The following DYNC2H1 variants were observed in gnomAD, a reference collection of about 807,000 sequenced individuals.
The protein encoded by DYNC2H1 is cytoplasmic dynein 2 heavy chain 1.
In DYNC2H1, 410 loss-of-function variants were observed where a neutral mutation model predicts 570.0. The ratio of observed to expected loss-of-function variants is 0.72; its 90% confidence interval spans 0.66 to 0.78. DYNC2H1 has a LOEUF of 0.78. Ranked by LOEUF, DYNC2H1 falls within the 30% of genes least tolerant of loss-of-function variation. The probability of loss-of-function intolerance (pLI) is 0.00; values close to 1 mark genes in which losing one functional copy is unlikely to be tolerated. For missense variants in DYNC2H1, 4,865 were observed against 5,046.4 expected, an observed-to-expected ratio of 0.96 and a Z score of 1.09; for synonymous variants, 1,688 against 1,677.6, an observed-to-expected ratio of 1.01 and a Z score of -0.15.
Position 103,151,047 on chromosome 11 carries a change from A to G in DYNC2H1, c.2947-1089A>G, listed in dbSNP as rs763673821. On this transcript the variant is annotated intron_variant, in intron 20 of 88. Coordinates refer to ENST00000375735, the MANE Select transcript of DYNC2H1 (RefSeq NM_001377.3). This position sits in a 1 kb window ranked among gnomAD's most constrained non-coding sequence, Gnocchi z 4.6. ...TCTTTTGGTATGTCTATTTGTTGGT[A>G]TGTGGATTTGAGGGGTAGGACTGGA... Among the ~76,000 whole-genome samples the G allele has an allele frequency of 2.6e-5, 4 of 152,186 alleles. No homozygotes were observed. The East Asian group carries it at 5.8e-4, about 22-fold the overall frequency.
At chr11:103,295,810 C>T (rs2135379984) in intron 75 of DYNC2H1, among the ~76,000 whole-genome samples, 1 of 152,318 alleles carries the variant, frequency 6.6e-6, no homozygotes, top group Middle Eastern at 3.4e-3. Flanking sequence ...AATCCTGCTT[C>T]AAGTTAGCTC....
Position 103,201,878 on chromosome 11 carries a change from C to T in DYNC2H1, c.8197+1724C>T, listed in dbSNP as rs1425570251. Among the ~76,000 whole-genome samples, 7 of 152,018 alleles carry T rather than the reference C, an allele frequency of 4.6e-5. No individual in the cohort carries two copies. Among genetic ancestry groups the T allele is most frequent in the Non-Finnish European group, 7.4e-5 (5 of 68,004 alleles). ...TCAAGAGTGTTTTGTTATTTAAGTACAAAATAAACCTTAAAAACTAGTTTC... is the reference window on the plus strand; with the variant it reads ...TCAAGAGTGTTTTGTTATTTAAGTATAAAATAAACCTTAAAAACTAGTTTC... On this transcript the variant is annotated intron_variant, in intron 50 of 88. Coordinates refer to ENST00000375735, the MANE Select transcript of DYNC2H1 (RefSeq NM_001377.3). This position sits in a 1 kb window ranked among gnomAD's most constrained non-coding sequence, Gnocchi z 4.8.
At chr11:103,367,968 G>A (rs1035432392) in intron 83 of DYNC2H1, among the ~76,000 whole-genome samples, 1 of 151,962 alleles carries the variant, frequency 6.6e-6, no homozygotes, top group African/African-American at 2.4e-5. Flanking sequence ...TCCTATAGCT[G>A]AACAGTATTC....
At chr11:103,389,774 C>A (rs1283860448) in intron 83 of DYNC2H1, among the ~76,000 whole-genome samples, 2 of 151,952 alleles carry the variant, frequency 1.3e-5, no homozygotes, top group Non-Finnish European at 2.9e-5. Flanking sequence ...CATTCAGGAG[C>A]AGGTTGTTCA....
chr11:103,126,754 A>G, intron 12 of DYNC2H1, among the ~76,000 whole-genome samples: 1 of 151,142 alleles, frequency 6.6e-6, no homozygotes, highest in South Asian at 2.1e-4. Context: ...CTCCTGCCTC[A>G]GCCTCCCGAG....
At chr11:103,459,613 A>ATCTT (rs1310322798) in intron 87 of DYNC2H1, among the ~76,000 whole-genome samples, 2 of 152,040 alleles carry the variant, frequency 1.3e-5, no homozygotes, top group East Asian at 3.9e-4. Context: ...AACAAGCTAG[A>ATCTT]TCTTTCCCTT....
rs969051250 is a variant in DYNC2H1 at position 103,252,632 on chromosome 11, A to G, written c.10043-653A>G. Among the ~76,000 whole-genome samples, 9 of 152,012 alleles carry G rather than the reference A, an allele frequency of 5.9e-5. No homozygotes were observed. The highest frequency in any genetic ancestry group is 2.2e-4 in the African/African-American group (9 of 41,374). ...ATCGTTTCATATAGCTGTTGGCCAT[A>G]TTTGTATCTTCTTTGGAGAAATGTC... On this transcript the variant is annotated intron_variant, in intron 65 of 88. Transcript: ENST00000375735. This position sits in a 1 kb window ranked among gnomAD's most constrained non-coding sequence, Gnocchi z 4.6.
At chr11:103,462,662 C>CATTT (rs1310485057) in intron 87 of DYNC2H1, among the ~76,000 whole-genome samples, 2 of 152,052 alleles carry the variant, frequency 1.3e-5, no homozygotes, top group East Asian at 3.8e-4. Context: ...CTAATTTTTT[C>CATTT]ATTTAAACTG....
chr11:103,246,010 C>CGCAGAGAAATA (rs1238433973), intron 65 of DYNC2H1, among the ~76,000 whole-genome samples: 5 of 152,034 alleles, frequency 3.3e-5, no homozygotes, highest in Admixed American at 3.3e-4. Context: ...ATTGGGGCAA[C>CGCAGAGAAATA]GCAGAGAAAT....
rs1864196093 is a variant in DYNC2H1, at chr11:103,235,785, A to G, written c.9681A>G (p.Glu3227=). The G allele has an allele frequency of 6.2e-7, 1 of 1,611,596 alleles. No individual in the cohort carries two copies. ...APESLRKTCL[E]EWTKSAGLEK... is the part of the protein sequence containing the mutation. ...AATCTCTGAGAAAAACCTGTTTGGA[A>G]GAATGGACCAAGTCAGCTGGTCTTG... Residue 3227 remains glutamate (E), a synonymous_variant, in exon 62 of 89, where the codon GAA becomes GAG. Transcript: ENST00000375735.
intron 82 of DYNC2H1, among the ~76,000 whole-genome samples, chr11:103,327,647 C>A (rs1307591054): frequency 6.6e-6 from 1 of 152,036 alleles, no homozygotes; most frequent in Non-Finnish European, 1.5e-5. Flanking sequence ...GCAGATACAG[C>A]CTTAGAGACT....
At position 103,186,278 on chromosome 11, in the gene DYNC2H1, C is replaced by T. The variant is rs756946674; in HGVS notation, c.6670C>T (p.His2224Tyr). 2 of 1,612,024 alleles carry T rather than the reference C, an allele frequency of 1.2e-6. No individual in the cohort carries two copies. Among genetic ancestry groups the T allele is most frequent in the South Asian group, 2.2e-5 (2 of 91,000 alleles). Residue 2224 changes from histidine to tyrosine, a missense_variant, in exon 42 of 89, where the codon CAC becomes TAC. This residue lies in a region of DYNC2H1 where 2,401 missense variants were observed against 2,454.6 expected (regional missense o/e 0.98). Coordinates refer to ENST00000375735, the MANE Select transcript of DYNC2H1 (RefSeq NM_001377.3). This position sits in a 1 kb window ranked among gnomAD's most constrained non-coding sequence, Gnocchi z 4.5. ...HWARESPPDF[H>Y]KPMDTYYDST... Reference sequence around the variant, plus strand: ...GGCACGAGAATCTCCTCCAGACTTTCACAAACCTATGGATACCTACTATGA... The same window carrying T: ...GGCACGAGAATCTCCTCCAGACTTTTACAAACCTATGGATACCTACTATGA...
chr11:103,422,817 G>A (rs1034103030), intron 84 of DYNC2H1, among the ~76,000 whole-genome samples: 1 of 152,132 alleles, frequency 6.6e-6, no homozygotes, highest in African/African-American at 2.4e-5. Flanking sequence ...ATTCAACATA[G>A]TATTGAAAGT....
rs1863062070 is a variant in DYNC2H1, at chr11:103,209,407, T to A, written c.8455-469T>A. The stretch of plus-strand genomic sequence containing the variant: ...GGCAAAATTCCAGTCACAGTGAGAA[T>A]ATACTTTTTAGAATGATCAGTTATG... On this transcript the variant is annotated intron_variant, in intron 52 of 88. Transcript: ENST00000375735. This position sits in a 1 kb window ranked among gnomAD's most constrained non-coding sequence, Gnocchi z 4.2. Among the ~76,000 whole-genome samples the A allele has an allele frequency of 6.6e-6, 1 of 152,054 alleles. No individual in the cohort carries two copies. Among genetic ancestry groups the A allele is most frequent in the Non-Finnish European group, 1.5e-5 (1 of 67,954 alleles).
Position 103,163,238 on chromosome 11 carries a change from G to C in DYNC2H1, c.4611+91G>C. The C allele has an allele frequency of 7.1e-7, 1 of 1,403,852 alleles. No individual in the cohort carries two copies. Among genetic ancestry groups the C allele is most frequent in the East Asian group, 2.4e-5 (1 of 40,982 alleles). The allele number at this position is 1,403,852 out of a possible 1,614,324, so 87.0% of individuals were successfully genotyped here. ...CAGGAGGCTCAGATAAATCGCATCT[G>C]TTTTCTCCCTTTATCTAACAGTTAA... On this transcript the variant is annotated intron_variant, in intron 30 of 88. Transcript: ENST00000375735. The surrounding 1 kb of genome is among the most constrained non-coding windows in gnomAD (Gnocchi z 4.6).
At chr11:103,308,438 G>A (rs1339206116) in intron 78 of DYNC2H1, among the ~76,000 whole-genome samples, 4 of 152,166 alleles carry the variant, frequency 2.6e-5, no homozygotes, top group African/African-American at 9.7e-5. Context: ...CTTCTTGGCT[G>A]TTGTGAATAA....
chr11:103,286,226 C>T (rs1271790901), intron 73 of DYNC2H1, 29 bp from the exon 74 acceptor site: 13 of 1,604,406 alleles, frequency 8.1e-6, no homozygotes, highest in African/African-American at 8.1e-5. Context: ...GCTTATAGCT[C>T]ACTGTATATG....
intron 69 of DYNC2H1, among the ~76,000 whole-genome samples, chr11:103,258,421 A>G (rs1195594797): frequency 1.3e-5 from 2 of 152,094 alleles, no homozygotes; most frequent in African/African-American, 4.8e-5. Flanking sequence ...AATTAAAACT[A>G]TTTTCTTATG....
intron 9 of DYNC2H1, 61 bp downstream of exon 9, chr11:103,121,097 C>A: frequency 9.2e-7 from 1 of 1,092,810 alleles, no homozygotes; most frequent in Non-Finnish European, 1.3e-6. Flanking sequence ...TTACTTTTTT[C>A]TTCGTTGCAT....
Sources: gnomAD v4.1 joint callset for allele counts (sites outside exome capture counted in the v4.1 genomes callset) on GRCh38, gnomAD v4.1.1 for gene constraint, gnomAD v4.1.1 regional missense constraint, Gnocchi (gnomAD v3.1) non-coding constraint, MANE v1.5 for transcripts, NCBI Gene and HGNC (gene_info 2026-07-23, HGNC 2026-07-21) for gene names.